The following TSPEAR variants were observed in gnomAD, a reference collection of about 807,000 sequenced individuals.
TSPEAR encodes the protein thrombospondin type laminin G domain and EAR repeats.
A neutral mutation model predicts 71.6 loss-of-function variants in TSPEAR; 69 were observed. The ratio of observed to expected loss-of-function variants is 0.96; its 90% confidence interval spans 0.79 to 1.18. The LOEUF (loss-of-function observed/expected upper bound fraction) is 1.18, where lower values mean the gene tolerates loss of function less well. Among genes scored for constraint, TSPEAR ranks in the 50% most tolerant of loss-of-function variants. TSPEAR has a pLI of 0.00. For missense variants in TSPEAR, 971 were observed against 894.9 expected, an observed-to-expected ratio of 1.09 and a Z score of -1.09; for synonymous variants, 402 against 387.2, an observed-to-expected ratio of 1.04 and a Z score of -0.45.
Position 44,533,744 on chromosome 21 carries a change from G to T in TSPEAR, c.483C>A (p.Val161=). Residue 161 remains valine, a synonymous_variant, in exon 3 of 12, where the codon GTC becomes GTA. Transcript: ENST00000323084. ...ALVDGRWHTL[V]LAVSAGVFSL... is the part of the protein sequence containing the mutation. Reference sequence around the variant, plus strand: ...AGAAGACGCCTGCGGACACAGCCAGGACCAGTGTGTGCCAGCGGCCATCCA... The same window carrying T: ...AGAAGACGCCTGCGGACACAGCCAGTACCAGTGTGTGCCAGCGGCCATCCA... 1 of 1,612,440 alleles carries T rather than the reference G, an allele frequency of 6.2e-7. No individual in the cohort carries two copies.
chr21:44,651,643 G>A (rs1207145296), intron 1 of TSPEAR, among the ~76,000 whole-genome samples: 5 of 152,102 alleles, frequency 3.3e-5, no homozygotes, highest in African/African-American at 9.7e-5. Context: ...AGGACCCTGT[G>A]GAGACACTGG....
Position 44,521,168 on chromosome 21 carries a change from C to T in TSPEAR, c.1566+715G>A, listed in dbSNP as rs587640232. Reference sequence around the variant, plus strand: ...CAAACAGTGGGAGTGCTGTCACCGGCGCTGCAGAGCCCCTGAGCTGCCTCC... The same window carrying T: ...CAAACAGTGGGAGTGCTGTCACCGGTGCTGCAGAGCCCCTGAGCTGCCTCC... On this transcript the variant is annotated intron_variant, in intron 9 of 11. Coordinates refer to ENST00000323084, the MANE Select transcript of TSPEAR (RefSeq NM_144991.3). 1.3e-4 allele frequency among the ~76,000 whole-genome samples: 20 copies of T among 152,316 alleles called. No homozygotes were observed. The South Asian group carries it at 1.7e-3, about 13-fold the overall frequency.
At position 44,578,526 on chromosome 21, in the gene TSPEAR, G is replaced by A. The variant is rs112723002; in HGVS notation, c.83-10521C>T. 7.5e-3 allele frequency among the ~76,000 whole-genome samples: 1,145 copies of A among 152,252 alleles called. 15 individuals carry two copies. The highest frequency in any genetic ancestry group is 0.023 in the African/African-American group (972 of 41,548). On this transcript the variant is annotated intron_variant, in intron 1 of 11. Transcript: ENST00000323084. ...AAAACCGTGGGGTAGACACAGTGTCGGCGAGGGTGCTAGGGATTAGGGGAC... is the reference window on the plus strand; with the variant it reads ...AAAACCGTGGGGTAGACACAGTGTCAGCGAGGGTGCTAGGGATTAGGGGAC...
chr21:44,534,671 C>T (rs587732325), intron 2 of TSPEAR, among the ~76,000 whole-genome samples: 1 of 152,294 alleles, frequency 6.6e-6, no homozygotes, highest in Admixed American at 6.5e-5. Flanking sequence ...AACTGGAACT[C>T]TTGCGCACTG....
At chr21:44,551,146 A>T (rs1296639164) in intron 2 of TSPEAR, 6 of 1,559,674 alleles carry the variant, frequency 3.8e-6, no homozygotes, top group Middle Eastern at 1.7e-4. Context: ...ACAGGCTTGC[A>T]GCAGACGGGC....
intron 2 of TSPEAR, among the ~76,000 whole-genome samples, chr21:44,553,036 A>T (rs1467926677): frequency 2.0e-5 from 3 of 152,228 alleles, no homozygotes; most frequent in African/African-American, 7.2e-5. Flanking sequence ...TGCAAATTAT[A>T]GCATGTGACT....
At chr21:44,510,270 G>A (rs1050839798) in intron 9 of TSPEAR, among the ~76,000 whole-genome samples, 1 of 152,182 alleles carries the variant, frequency 6.6e-6, no homozygotes, top group Non-Finnish European at 1.5e-5. Flanking sequence ...CCCTGCGCAC[G>A]GTCCCAGGCT....
At chr21:44,638,835 C>T (rs587696347) in intron 1 of TSPEAR, among the ~76,000 whole-genome samples, 106 of 151,978 alleles carry the variant, frequency 7.0e-4, no homozygotes, top group African/African-American at 2.4e-3. Flanking sequence ...ATGGCTGCCC[C>T]CCAGGCCTGG....
chr21:44,671,764 T>C lies in TSPEAR; in HGVS notation c.82+39669A>G, dbSNP rs587704846. 1.7e-4 allele frequency among the ~76,000 whole-genome samples: 26 copies of C among 152,220 alleles called. 1 individual carries two copies. The highest frequency in any genetic ancestry group is 5.5e-4 in the African/African-American group (23 of 41,536). On this transcript the variant is annotated intron_variant, in intron 1 of 11. Transcript: ENST00000323084. ...GTGATTGTTATGTCAGATGTGCAGATATCAATATAAGGACTCAAGAAACAT... is the reference window on the plus strand; with the variant it reads ...GTGATTGTTATGTCAGATGTGCAGACATCAATATAAGGACTCAAGAAACAT...
chr21:44,649,213 C>T (rs1555940915), intron 1 of TSPEAR, among the ~76,000 whole-genome samples: 1 of 152,194 alleles, frequency 6.6e-6, no homozygotes, highest in African/African-American at 2.4e-5. Context: ...ATCAGAGACC[C>T]TCCAGCCTGC....
intron 1 of TSPEAR, among the ~76,000 whole-genome samples, chr21:44,610,689 G>T (rs587648941): frequency 6.6e-6 from 1 of 152,278 alleles, no homozygotes; most frequent in South Asian, 2.1e-4. Flanking sequence ...ACCCCAGAAT[G>T]GTAGATCTAT....
chr21:44,654,422 G>T, intron 1 of TSPEAR: 1 of 1,614,152 alleles, frequency 6.2e-7, no homozygotes, highest in Non-Finnish European at 8.5e-7. Flanking sequence ...ACCTGGCAGG[G>T]GCTGGGCACA....
intron 1 of TSPEAR, chr21:44,681,657 G>C: frequency 1.2e-6 from 1 of 850,014 alleles, no homozygotes; most frequent in Non-Finnish European, 1.8e-6. Context: ...GGGGGGATAG[G>C]CAAGTTCAGC....
chr21:44,590,657 C>A (rs1555926371), intron 1 of TSPEAR, among the ~76,000 whole-genome samples: 1 of 152,142 alleles, frequency 6.6e-6, no homozygotes, highest in African/African-American at 2.4e-5. Flanking sequence ...TAGCTGGTCT[C>A]CCCAGGGGTA....
intron 1 of TSPEAR, among the ~76,000 whole-genome samples, chr21:44,700,514 G>A (rs1324069716): frequency 5.3e-5 from 8 of 152,164 alleles, no homozygotes; most frequent in Admixed American, 1.3e-4. Flanking sequence ...ACAGTGAGAG[G>A]GGCCTGGAGG....
At chr21:44,690,386 T>C (rs782755577) in intron 1 of TSPEAR, among the ~76,000 whole-genome samples, 9 of 152,222 alleles carry the variant, frequency 5.9e-5, no homozygotes, top group Non-Finnish European at 1.2e-4. Context: ...ATCCTAGATA[T>C]GTCCTCTGTT....
At chr21:44,507,336 A>G (rs977724987) in intron 10 of TSPEAR, among the ~76,000 whole-genome samples, 1 of 152,204 alleles carries the variant, frequency 6.6e-6, no homozygotes, top group Non-Finnish European at 1.5e-5. Context: ...GACCATTTGA[A>G]GGCAGTCAGA....
intron 1 of TSPEAR, among the ~76,000 whole-genome samples, chr21:44,578,674 G>C (rs782636140): frequency 3.9e-5 from 6 of 152,192 alleles, no homozygotes; most frequent in Non-Finnish European, 7.3e-5. Context: ...AGATGGCCTT[G>C]CAGGGAGGGT....
At chr21:44,708,333 G>A (rs769477463) in intron 1 of TSPEAR, among the ~76,000 whole-genome samples, 2 of 152,110 alleles carry the variant, frequency 1.3e-5, no homozygotes, top group Non-Finnish European at 2.9e-5. Context: ...GCAGCCAAGA[G>A]AAGGTGTCGC....
Sources: gnomAD v4.1 joint callset for allele counts (sites outside exome capture counted in the v4.1 genomes callset) on GRCh38, gnomAD v4.1.1 for gene constraint, MANE v1.5 for transcripts, NCBI Gene and HGNC (gene_info 2026-07-23, HGNC 2026-07-21) for gene names.